The following PLEKHA7 variants were observed in gnomAD, a reference collection of about 807,000 sequenced individuals.
PLEKHA7 encodes the protein pleckstrin homology domain containing A7, also known as pleckstrin homology domain-containing family A member 7.
A neutral mutation model predicts 170.0 loss-of-function variants in PLEKHA7; 104 were observed. The ratio of observed to expected loss-of-function variants is 0.61; its 90% CI spans 0.52 to 0.72. The LOEUF is 0.72. PLEKHA7 is among the 30% of genes least tolerant of loss of function. PLEKHA7 has a pLI of 0.00. For missense variants in PLEKHA7, 1,615 were observed against 1,671.7 expected, an observed-to-expected ratio of 0.97 and a Z score of 0.59; for synonymous variants, 648 against 660.8, an observed-to-expected ratio of 0.98 and a Z score of 0.30.
At chr11:16,871,343 C>T (rs995486013) in intron 3 of PLEKHA7, among the ~76,000 whole-genome samples, 161 bp from the exon 4 acceptor site, 2 of 152,030 alleles carry the variant, frequency 1.3e-5, no homozygotes, top group African/African-American at 2.4e-5. Context: ...GTCAGAACCC[C>T]GCCACACTAA....
rs545064946 is a variant in PLEKHA7, at chr11:16,938,679, G to A, written c.222-67497C>T. On this transcript the variant is annotated intron_variant, in intron 3 of 26. Transcript: ENST00000531066. The stretch of plus-strand genomic sequence containing the variant: ...TATAGTGATTAACATTCACATGTTG[G>A]AAGGCCGAAAACAGAATAGAGATGA... Among the ~76,000 whole-genome samples the A allele has an allele frequency of 2.6e-5, 4 of 152,232 alleles. No individual in the cohort carries two copies. The South Asian group carries it at 8.3e-4, about 32-fold the overall frequency.
intron 3 of PLEKHA7, among the ~76,000 whole-genome samples, chr11:16,998,184 T>C (rs1167840828): frequency 6.6e-6 from 1 of 152,150 alleles, no homozygotes; most frequent in Non-Finnish European, 1.5e-5. Flanking sequence ...AGATAAACAT[T>C]TGTAAAATAA....
chr11:16,824,761 T>G (rs898733470), intron 10 of PLEKHA7, among the ~76,000 whole-genome samples: 2 of 152,230 alleles, frequency 1.3e-5, no homozygotes, highest in African/African-American at 4.8e-5. Flanking sequence ...CGTGGTTCCC[T>G]ATTGCTTTTT....
chr11:16,790,171 C>T (rs982998703), intron 21 of PLEKHA7: 8 of 423,430 alleles, frequency 1.9e-5, no homozygotes, highest in Admixed American at 1.5e-4. Context: ...GAAAGGCTGG[C>T]GGGGCAGGAA....
At chr11:16,872,643 C>T (rs531483515) in intron 3 of PLEKHA7, among the ~76,000 whole-genome samples, 2 of 152,250 alleles carry the variant, frequency 1.3e-5, no homozygotes, top group Non-Finnish European at 2.9e-5. Flanking sequence ...CCTCAGCCTC[C>T]GGAGTGGCTG....
In PLEKHA7 at chr11:16,795,851, C is replaced by CTTTT. The variant is rs1179377641; in HGVS notation, c.2410-837_2410-834dup. 7.6e-3 allele frequency among the ~76,000 whole-genome samples: 708 copies of CTTTT among 92,998 alleles called. 3 individuals carry two copies. The highest frequency in any genetic ancestry group is 0.014 in the East Asian group (37 of 2,702). The allele number at this position is 92,998 out of a possible 152,430, so 61.0% of individuals were successfully genotyped here. The stretch of plus-strand genomic sequence containing the variant: ...CTACGTATTTTACCACAGTTTTTTC[C>CTTTT]TTTTTTTTTTTTTTTTTTTTTGAGA... On this transcript the variant is annotated intron_variant, in intron 17 of 26. Transcript: ENST00000531066.
intron 13 of PLEKHA7, among the ~76,000 whole-genome samples, chr11:16,805,847 T>G (rs140389248): frequency 3.3e-5 from 5 of 151,250 alleles, no homozygotes; most frequent in Non-Finnish European, 7.4e-5. Flanking sequence ...TACTAGGTGT[T>G]GTAGGTTAGG....
chr11:16,790,030 A>G (rs747325593), intron 21 of PLEKHA7, 152 bp from the exon 22 acceptor site: 1 of 721,944 alleles, frequency 1.4e-6, no homozygotes, highest in Non-Finnish European at 2.4e-6. Context: ...ATGGAGGAGC[A>G]AGGTCCCCAA....
chr11:16,900,921 T>A (rs1163467072), intron 3 of PLEKHA7, among the ~76,000 whole-genome samples: 1 of 151,668 alleles, frequency 6.6e-6, no homozygotes, highest in Non-Finnish European at 1.5e-5. Flanking sequence ...TCTCAGCTCA[T>A]TGTAACCTCC....
intron 3 of PLEKHA7, among the ~76,000 whole-genome samples, chr11:17,004,211 C>A (rs531922842): frequency 3.2e-4 from 48 of 152,252 alleles, no homozygotes; most frequent in African/African-American, 1.1e-3. Context: ...ACAGAACCAA[C>A]ATTTAATGGC....
chr11:16,975,299 T>C (rs554687155), intron 3 of PLEKHA7, among the ~76,000 whole-genome samples: 118 of 152,338 alleles, frequency 7.7e-4, no homozygotes, highest in African/African-American at 2.8e-3. Context: ...AACATAAGCA[T>C]GTATTTATTT....
intron 3 of PLEKHA7, among the ~76,000 whole-genome samples, chr11:16,875,567 C>A (rs1252026126): frequency 6.6e-6 from 1 of 152,014 alleles, no homozygotes; most frequent in Non-Finnish European, 1.5e-5. Flanking sequence ...CTGCCTCAGT[C>A]CTCCAACTAG....
intron 3 of PLEKHA7, among the ~76,000 whole-genome samples, chr11:16,992,784 G>A (rs1407730976): frequency 6.6e-6 from 1 of 150,546 alleles, no homozygotes; most frequent in East Asian, 1.9e-4. Context: ...GAATTAACCT[G>A]GCCAACAGAA....
chr11:16,823,243 C>T (rs753404708), intron 10 of PLEKHA7, among the ~76,000 whole-genome samples: 3 of 152,026 alleles, frequency 2.0e-5, no homozygotes, highest in South Asian at 2.1e-4. Flanking sequence ...TGGACTCAAG[C>T]GATCCTACCA....
intron 3 of PLEKHA7, among the ~76,000 whole-genome samples, chr11:17,008,862 C>T (rs1865165485): frequency 6.6e-6 from 1 of 152,288 alleles, no homozygotes; most frequent in African/African-American, 2.4e-5. Flanking sequence ...ACTCTAACTC[C>T]CATGGCCTCT....
At position 16,904,243 on chromosome 11, in the gene PLEKHA7, T is replaced by G. The variant is rs1472865800; in HGVS notation, c.222-33061A>C. 7.2e-5 allele frequency among the ~76,000 whole-genome samples: 11 copies of G among 152,312 alleles called. No individual in the cohort carries two copies. In the South Asian group the frequency reaches 2.3e-3, roughly 32 times the overall value. On this transcript the variant is annotated intron_variant, in intron 3 of 26. Transcript: ENST00000531066. Reference sequence around the variant, plus strand: ...TCTCCATGCACAAGCAACATCTGAGTGCCTGCTCTGTACCCATCCATTGGG... The same window carrying G: ...TCTCCATGCACAAGCAACATCTGAGGGCCTGCTCTGTACCCATCCATTGGG...
intron 12 of PLEKHA7, 39 bp from the exon 13 acceptor site, chr11:16,813,205 C>G (rs1001375362): frequency 5.8e-6 from 9 of 1,559,418 alleles, no homozygotes; most frequent in Admixed American, 3.4e-5. Context: ...CAGTTATGAA[C>G]ACCAAGAGTT....
intron 3 of PLEKHA7, among the ~76,000 whole-genome samples, chr11:16,902,455 C>A (rs1393405079): frequency 6.6e-6 from 1 of 152,212 alleles, no homozygotes; most frequent in Non-Finnish European, 1.5e-5. Flanking sequence ...TACACTTCTA[C>A]CAGCAGTGCA....
At chr11:16,909,727 C>T (rs1565104196) in intron 3 of PLEKHA7, among the ~76,000 whole-genome samples, 1 of 152,238 alleles carries the variant, frequency 6.6e-6, no homozygotes, top group Non-Finnish European at 1.5e-5. Context: ...GACCTTGATA[C>T]TTAAGTTCAT....
Sources: gnomAD v4.1 joint callset for allele counts (sites outside exome capture counted in the v4.1 genomes callset) on GRCh38, gnomAD v4.1.1 for gene constraint, MANE v1.5 for transcripts, NCBI Gene and HGNC (gene_info 2026-07-23, HGNC 2026-07-21) for gene names.